VAV3: variants seen among roughly 807,000 people sequenced by gnomAD.
VAV3 encodes the protein vav guanine nucleotide exchange factor 3.
In VAV3, 94 loss-of-function variants were observed where a neutral mutation model predicts 131.2. The observed-to-expected ratio is 0.72, with a 90% CI of 0.61 to 0.85. VAV3 has a LOEUF of 0.85. Among genes scored for constraint, VAV3 ranks in the 40% least tolerant of loss-of-function variants. The probability of loss-of-function intolerance (pLI) is 0.00; values close to 1 mark genes in which losing one functional copy is unlikely to be tolerated. For missense variants in VAV3, 939 were observed against 1,002.7 expected, an observed-to-expected ratio of 0.94 and a Z score of 0.86; for synonymous variants, 349 against 342.0, an observed-to-expected ratio of 1.02 and a Z score of -0.22.
In VAV3 at chr1:107,858,694, A is replaced by C. The variant is rs575470270; in HGVS notation, c.321+16207T>G. Among the ~76,000 whole-genome samples, 155 of 152,336 alleles carry C rather than the reference A, an allele frequency of 1.0e-3. 1 individual carries two copies. Among genetic ancestry groups the C allele is most frequent in the African/African-American group, 3.7e-3 (153 of 41,572 alleles). On this transcript the variant is annotated intron_variant, in intron 2 of 26. Coordinates refer to ENST00000370056, the MANE Select transcript of VAV3 (RefSeq NM_006113.5). ...GGTTTCACCCCCAAACCATTCCCCC[A>C]GTACTCGGTCCATGGAAAAATTTTC...
chr1:107,617,312 T>A (rs1653233169), intron 21 of VAV3, among the ~76,000 whole-genome samples: 1 of 152,164 alleles, frequency 6.6e-6, no homozygotes, highest in Non-Finnish European at 1.5e-5. Context: ...GTGGTTTATT[T>A]CTTCTAAAAC....
Position 107,850,597 on chromosome 1 carries a change from G to C in VAV3, c.321+24304C>G, listed in dbSNP as rs551494958. On this transcript the variant is annotated intron_variant, in intron 2 of 26. Coordinates refer to ENST00000370056, the MANE Select transcript of VAV3 (RefSeq NM_006113.5). The stretch of plus-strand genomic sequence containing the variant: ...GGGGTGGGGGGCAAGGGGAGGGATT[G>C]CATTAGGAGAAGTACCTAGTGTAGA... Among the ~76,000 whole-genome samples the C allele has an allele frequency of 5.9e-5, 9 of 152,162 alleles. No individual in the cohort carries two copies. In the South Asian group the frequency reaches 1.7e-3, roughly 28 times the overall value.
chr1:107,840,414 AG>A (rs1321005896), intron 2 of VAV3, among the ~76,000 whole-genome samples: 1 of 152,208 alleles, frequency 6.6e-6, no homozygotes, highest in Non-Finnish European at 1.5e-5. Context: ...AGGTTATCAA[AG>A]GATGTTCATT....
intron 1 of VAV3, among the ~76,000 whole-genome samples, chr1:107,882,349 T>C (rs1670822848): frequency 6.6e-6 from 1 of 152,176 alleles, no homozygotes; most frequent in Non-Finnish European, 1.5e-5. Context: ...AGATCGGCCC[T>C]GAATTTGAGG....
At chr1:107,738,042 T>G (rs1007069245) in intron 15 of VAV3, among the ~76,000 whole-genome samples, 17 of 152,244 alleles carry the variant, frequency 1.1e-4, no homozygotes, top group African/African-American at 3.9e-4. Flanking sequence ...AAGGATGAGT[T>G]CATGTCCTTT....
At chr1:107,937,240 A>G (rs1190749797) in intron 1 of VAV3, among the ~76,000 whole-genome samples, 3 of 152,202 alleles carry the variant, frequency 2.0e-5, no homozygotes, top group African/African-American at 7.2e-5. Context: ...CACCATGACT[A>G]TTGAGATGTT....
At chr1:107,735,616 A>G (rs1028371700) in intron 15 of VAV3, among the ~76,000 whole-genome samples, 10 of 131,512 alleles carry the variant, frequency 7.6e-5, no homozygotes, top group Admixed American at 1.6e-4. Flanking sequence ...GAAGAAATGG[A>G]TAAATTCCTA....
chr1:107,757,125 A>ATG, intron 11 of VAV3, 136 bp downstream of exon 11: 1 of 570,314 alleles, frequency 1.8e-6, no homozygotes. Context: ...GTGTATATAT[A>ATG]TATGTTTGTG....
chr1:107,905,814 A>C (rs1672078049), intron 1 of VAV3, among the ~76,000 whole-genome samples: 1 of 152,230 alleles, frequency 6.6e-6, no homozygotes, highest in Non-Finnish European at 1.5e-5. Context: ...CATTTCTAAA[A>C]GAAAAAAGTA....
intron 1 of VAV3, among the ~76,000 whole-genome samples, chr1:107,897,470 C>A (rs1248969505): frequency 6.6e-6 from 1 of 151,538 alleles, no homozygotes; most frequent in Non-Finnish European, 1.5e-5. Flanking sequence ...CCAGAAAGGG[C>A]ATATGGAAAG....
intron 22 of VAV3, among the ~76,000 whole-genome samples, chr1:107,607,659 G>A (rs897221125): frequency 1.3e-5 from 2 of 152,120 alleles, no homozygotes; most frequent in African/African-American, 4.8e-5. Flanking sequence ...TCTATCTCTT[G>A]TTCTGCATAC....
At chr1:107,836,279 C>T (rs1011799062) in intron 2 of VAV3, among the ~76,000 whole-genome samples, 4 of 152,040 alleles carry the variant, frequency 2.6e-5, no homozygotes, top group African/African-American at 9.7e-5. Context: ...ATATGTTTAG[C>T]CATAAAGCAA....
At chr1:107,650,703 T>TC (rs1264406780) in intron 19 of VAV3, among the ~76,000 whole-genome samples, 18 of 90,998 alleles carry the variant, frequency 2.0e-4, no homozygotes, top group Admixed American at 4.8e-4. Flanking sequence ...ATGCTATCCC[T>TC]CCCCCCCCTC....
At chr1:107,622,821 A>G (rs1242219891) in intron 20 of VAV3, among the ~76,000 whole-genome samples, 4 of 152,222 alleles carry the variant, frequency 2.6e-5, no homozygotes, top group Non-Finnish European at 2.9e-5. Flanking sequence ...AAGAAGATGT[A>G]CAGCATGGCC....
chr1:107,671,488 A>G (rs928181489), intron 19 of VAV3, among the ~76,000 whole-genome samples: 1 of 152,244 alleles, frequency 6.6e-6, no homozygotes, highest in African/African-American at 2.4e-5. Context: ...AAATGAGAAC[A>G]TATCTACTGC....
intron 15 of VAV3, among the ~76,000 whole-genome samples, chr1:107,724,476 A>G (rs1484870572): frequency 6.6e-6 from 1 of 152,212 alleles, no homozygotes; most frequent in Non-Finnish European, 1.5e-5. Context: ...TTGTACTGGG[A>G]CAAAAAATAC....
In VAV3 at chr1:107,964,664, A is replaced by T; in HGVS notation, c.204+2T>A. On this transcript the variant is annotated splice_donor_variant, in intron 1 of 26. Coordinates refer to ENST00000370056, the MANE Select transcript of VAV3 (RefSeq NM_006113.5). LOFTEE classifies it high-confidence loss of function. ...GCGGGGCGCCCGTGCCGGCCTCCTC[A>T]CCTGGGACATCTGCGGCCTCAGGTT... The T allele has an allele frequency of 6.2e-7, 1 of 1,611,234 alleles. No individual in the cohort carries two copies. The highest frequency in any genetic ancestry group is 8.5e-7 in the Non-Finnish European group (1 of 1,178,584).
At chr1:107,937,499 T>C (rs927627766) in intron 1 of VAV3, among the ~76,000 whole-genome samples, 5 of 152,220 alleles carry the variant, frequency 3.3e-5, no homozygotes, top group African/African-American at 1.2e-4. Context: ...ACTTACACCA[T>C]TGGTATCCTC....
intron 1 of VAV3, among the ~76,000 whole-genome samples, chr1:107,900,185 T>TA (rs1462560563): frequency 2.0e-5 from 3 of 152,182 alleles, no homozygotes; most frequent in Admixed American, 6.5e-5. Context: ...ATTTGCTACA[T>TA]AGACTACAAG....
Sources: gnomAD v4.1 joint callset for allele counts (sites outside exome capture counted in the v4.1 genomes callset) on GRCh38, gnomAD v4.1.1 for gene constraint, MANE v1.5 for transcripts, NCBI Gene and HGNC (gene_info 2026-07-23, HGNC 2026-07-21) for gene names.